Variants in DGUOK observed in about 807,000 individuals in gnomAD.
The protein encoded by DGUOK is deoxyguanosine kinase, mitochondrial.
A neutral mutation model predicts 36.6 loss-of-function variants in DGUOK; 30 were observed. That is an observed-to-expected ratio of 0.82 (90% confidence interval 0.61 to 1.11). The LOEUF (loss-of-function observed/expected upper bound fraction) is 1.11, where lower values mean the gene tolerates loss of function less well. Ranked by LOEUF, DGUOK falls within the 50% of genes most tolerant of loss-of-function variation. The probability of loss-of-function intolerance (pLI) is 0.00; values close to 1 mark genes in which losing one functional copy is unlikely to be tolerated. For missense variants in DGUOK, 361 were observed against 336.4 expected, an observed-to-expected ratio of 1.07 and a Z score of -0.57; for synonymous variants, 145 against 126.3, an observed-to-expected ratio of 1.15 and a Z score of -0.99.
chr2:73,958,076 C>A, intron 5 of DGUOK, 70 bp from the exon 6 acceptor site: 4 of 1,189,822 alleles, frequency 3.4e-6, no homozygotes, highest in Non-Finnish European at 5.0e-6. Context: ...TAAGACTTGG[C>A]GAGTATGTGA....
chr2:73,950,839 AC>A lies in DGUOK; in HGVS notation c.591+109del, dbSNP rs777416206. ...TTGGAGAGATTAGAGCGTAGACATT[AC>A]CTGCAGCACAGAGAGCAGTGGGGGA... is the stretch of plus-strand genomic sequence containing the variant. On this transcript the variant is annotated intron_variant, in intron 4 of 6. Transcript: ENST00000264093. 2.4e-4 allele frequency: 346 copies of A among 1,447,120 alleles called. 1 individual carries two copies. The highest frequency in any genetic ancestry group is 3.1e-4 in the Non-Finnish European group (317 of 1,028,996). 89.6% of individuals were successfully genotyped at this position (1,447,120 alleles called of 1,614,324 possible). A position where few individuals can be genotyped will look rare whatever the true frequency, so the allele number is the denominator to read the frequency against.
At chr2:73,936,897 G>A (rs1205973669) in intron 1 of DGUOK, among the ~76,000 whole-genome samples, 1 of 152,162 alleles carries the variant, frequency 6.6e-6, no homozygotes, top group Non-Finnish European at 1.5e-5. Context: ...CAGCTTAGAG[G>A]TGTCAGGATC....
chr2:73,939,920 T>TC (rs1386284133), intron 2 of DGUOK, among the ~76,000 whole-genome samples: 2 of 151,792 alleles, frequency 1.3e-5, no homozygotes, highest in East Asian at 3.9e-4. Flanking sequence ...TTTTTTTTTT[T>TC]TTTGACAGTC....
chr2:73,946,230 G>A (rs1050654384), intron 2 of DGUOK, among the ~76,000 whole-genome samples: 1 of 152,160 alleles, frequency 6.6e-6, no homozygotes, highest in African/African-American at 2.4e-5. Flanking sequence ...CTATTTGGTG[G>A]TTGATTGGTT....
chr2:73,953,283 C>T (rs113787704), intron 4 of DGUOK, among the ~76,000 whole-genome samples: 6 of 101,608 alleles, frequency 5.9e-5, no homozygotes, highest in South Asian at 3.7e-4. Flanking sequence ...TGATGATCAT[C>T]ATCATCATCG....
intron 1 of DGUOK, among the ~76,000 whole-genome samples, chr2:73,929,772 A>C (rs142762685): frequency 7.1e-4 from 108 of 152,294 alleles, no homozygotes; most frequent in African/African-American, 2.5e-3. Context: ...GAACAGTTTT[A>C]GGAGTGTTAG....
In DGUOK at chr2:73,957,118, CTT is replaced by C. The variant is rs1408950500; in HGVS notation, c.592-4_592-3del. The C allele has an allele frequency of 1.2e-6, 2 of 1,610,052 alleles. No homozygotes were observed. The highest frequency in any genetic ancestry group is 1.7e-5 in the Admixed American group (1 of 59,964). Reference sequence around the variant, plus strand: ...GAGCTCATCAGGGCTTGGGGACTGTCTTTTAGGTTTGTTTGAAGAGACTGTAC... The same window carrying C: ...GAGCTCATCAGGGCTTGGGGACTGTCTTAGGTTTGTTTGAAGAGACTGTAC... On this transcript the variant is annotated splice_region_variant and splice_polypyrimidine_tract_variant and intron_variant, in intron 4 of 6. Transcript: ENST00000264093.
chr2:73,949,501 A>G (rs140630796), intron 3 of DGUOK, among the ~76,000 whole-genome samples: 116 of 152,336 alleles, frequency 7.6e-4, no homozygotes, highest in African/African-American at 2.7e-3. Context: ...TGTGAGGATT[A>G]TTACAAGACA....
At chr2:73,953,369 G>A (rs1286852222) in intron 4 of DGUOK, among the ~76,000 whole-genome samples, 1 of 151,928 alleles carries the variant, frequency 6.6e-6, no homozygotes, top group Non-Finnish European at 1.5e-5. Context: ...ATTTCAGCTG[G>A]AGTAGAATGA....
intron 1 of DGUOK, among the ~76,000 whole-genome samples, chr2:73,928,395 TG>T (rs1406507797): frequency 1.3e-5 from 2 of 152,240 alleles, no homozygotes; most frequent in Non-Finnish European, 2.9e-5. Flanking sequence ...CCCAAAGTGC[TG>T]GGATTATAGG....
intron 1 of DGUOK, among the ~76,000 whole-genome samples, chr2:73,928,224 T>G (rs1274050890): frequency 1.3e-5 from 2 of 152,166 alleles, no homozygotes; most frequent in African/African-American, 4.8e-5. Flanking sequence ...GCCTCCCTGG[T>G]TCAAGCGATT....
At chr2:73,947,453 T>C (rs1004193748) in intron 3 of DGUOK, among the ~76,000 whole-genome samples, 5 of 152,194 alleles carry the variant, frequency 3.3e-5, no homozygotes, top group Non-Finnish European at 7.3e-5. Context: ...TTTTGACCCC[T>C]TCTTCTGTGA....
intron 3 of DGUOK, chr2:73,947,833 G>C (rs1397261649): frequency 6.6e-6 from 1 of 152,208 alleles, no homozygotes; most frequent in Non-Finnish European, 1.5e-5. Context: ...AAAATGGGAA[G>C]TGGTACATTT....
intron 1 of DGUOK, among the ~76,000 whole-genome samples, chr2:73,930,913 A>T (rs1437932085): frequency 6.9e-6 from 1 of 144,308 alleles, no homozygotes; most frequent in Non-Finnish European, 1.5e-5. Flanking sequence ...CTCCTGCCTC[A>T]GGCTCCCAAG....
At chr2:73,941,425 A>T (rs1681895535) in intron 2 of DGUOK, among the ~76,000 whole-genome samples, 1 of 152,236 alleles carries the variant, frequency 6.6e-6, no homozygotes, top group Non-Finnish European at 1.5e-5. Flanking sequence ...TCATCCTGTA[A>T]TCCCATTATT....
Position 73,943,972 on chromosome 2 carries a change from A to G in DGUOK, c.256-2747A>G, listed in dbSNP as rs563979210. Among the ~76,000 whole-genome samples the G allele has an allele frequency of 5.9e-5, 9 of 151,368 alleles. No homozygotes were observed. The South Asian group carries it at 1.9e-3, about 32-fold the overall frequency. ...CCTAGGGAGAATTTCTTAAGCTGAT[A>G]CTCTTTTCTTTTTCTTTAAAGAGTC... On this transcript the variant is annotated intron_variant, in intron 2 of 6. Transcript: ENST00000264093.
chr2:73,949,074 C>T (rs1341620958), intron 3 of DGUOK, among the ~76,000 whole-genome samples: 2 of 152,140 alleles, frequency 1.3e-5, no homozygotes, highest in Non-Finnish European at 2.9e-5. Flanking sequence ...GCCTCAGTCT[C>T]CTGAGTAGCT....
intron 1 of DGUOK, 45 bp from the exon 2 acceptor site, chr2:73,938,865 G>GC: frequency 7.6e-7 from 1 of 1,321,206 alleles, no homozygotes; most frequent in Non-Finnish European, 1.1e-6. Context: ...TTCTCCTTCA[G>GC]CCCTGATTTG....
chr2:73,937,257 A>G (rs952152955), intron 1 of DGUOK, among the ~76,000 whole-genome samples: 4 of 152,236 alleles, frequency 2.6e-5, no homozygotes, highest in Non-Finnish European at 4.4e-5. Flanking sequence ...ACAAGGCCCT[A>G]TGTGATCTGG....
Sources: gnomAD v4.1 joint callset for allele counts (sites outside exome capture counted in the v4.1 genomes callset) on GRCh38, gnomAD v4.1.1 for gene constraint, MANE v1.5 for transcripts, NCBI Gene and HGNC (gene_info 2026-07-23, HGNC 2026-07-21) for gene names.